The following ENTREP2 variants were observed in gnomAD, a reference collection of about 807,000 sequenced individuals.
ENTREP2 encodes endosomal transmembrane epsin interactor 2, also known as protein ENTREP2.
At chr15:29,335,087 G>A in the ENTREP2 span, among the ~76,000 whole-genome samples, 1 of 152,140 alleles carries the variant, frequency 6.6e-6, no homozygotes, top group Non-Finnish European at 1.5e-5. Flanking sequence ...ATCAGTGAGG[G>A]TTCTAGTCAC....
At chr15:29,386,289 TG>T in the ENTREP2 span, among the ~76,000 whole-genome samples, 2 of 152,138 alleles carry the variant, frequency 1.3e-5, no homozygotes, top group African/African-American at 4.8e-5. Flanking sequence ...ACTGAGGCTT[TG>T]GGACCTGCAA....
chr15:29,383,464 C>T, the ENTREP2 span, among the ~76,000 whole-genome samples: 15,466 of 152,140 alleles, frequency 0.1, 1,355 homozygotes, highest in African/African-American at 0.23. Context: ...GTGAGAAGGC[C>T]GAATTAAAAG....
chr15:29,232,604 T>C, the ENTREP2 span, among the ~76,000 whole-genome samples: 1 of 151,518 alleles, frequency 6.6e-6, no homozygotes, highest in African/African-American at 2.4e-5. Context: ...GCAATCCTCC[T>C]GCCTCAGCCT....
the ENTREP2 span, among the ~76,000 whole-genome samples, chr15:29,132,566 C>A: frequency 6.6e-6 from 1 of 152,234 alleles, no homozygotes; most frequent in Admixed American, 6.5e-5. Flanking sequence ...TTCAGCTGTT[C>A]TCACCGCAGT....
the ENTREP2 span, among the ~76,000 whole-genome samples, chr15:29,562,447 T>C: frequency 2.0e-5 from 3 of 152,114 alleles, no homozygotes; most frequent in Non-Finnish European, 4.4e-5. Context: ...AAAAGACTAA[T>C]GATAATTGAG....
the ENTREP2 span, chr15:29,233,556 C>T: frequency 1.7e-6 from 1 of 585,122 alleles, no homozygotes; most frequent in African/African-American, 1.9e-5. Flanking sequence ...TATACAATAC[C>T]ACCTACTGTA....
the ENTREP2 span, chr15:29,269,874 G>T: frequency 1.6e-6 from 1 of 618,016 alleles, no homozygotes; most frequent in Non-Finnish European, 2.5e-6. Flanking sequence ...TGGGCGGTGC[G>T]CCTGCGCGGC....
the ENTREP2 span, among the ~76,000 whole-genome samples, chr15:29,484,812 A>G: frequency 1.3e-5 from 2 of 152,222 alleles, no homozygotes; most frequent in African/African-American, 2.4e-5. Flanking sequence ...CAAAGTATCT[A>G]TTGACTATGA....
chr15:29,422,111 T>C, the ENTREP2 span, among the ~76,000 whole-genome samples: 3 of 151,806 alleles, frequency 2.0e-5, no homozygotes, highest in Non-Finnish European at 4.4e-5. Flanking sequence ...GTACTAAAAA[T>C]ACAAAAAATT....
chr15:29,654,797 G>A, the ENTREP2 span, among the ~76,000 whole-genome samples: 1 of 152,204 alleles, frequency 6.6e-6, no homozygotes, highest in African/African-American at 2.4e-5. Flanking sequence ...TACACTAGCA[G>A]AGCAAGGTGA....
At chr15:29,413,512 T>C in the ENTREP2 span, among the ~76,000 whole-genome samples, 1 of 152,230 alleles carries the variant, frequency 6.6e-6, no homozygotes, top group African/African-American at 2.4e-5. Flanking sequence ...AAGTCGATTT[T>C]GTCTGATATT....
At chr15:29,214,452 A>G in the ENTREP2 span, among the ~76,000 whole-genome samples, 1 of 152,028 alleles carries the variant, frequency 6.6e-6, no homozygotes, top group Admixed American at 6.6e-5. Context: ...AAAAACAAAC[A>G]CCGCATGTTC....
the ENTREP2 span, among the ~76,000 whole-genome samples, chr15:29,148,559 G>A: frequency 4.6e-5 from 7 of 152,202 alleles, no homozygotes; most frequent in African/African-American, 1.7e-4. Flanking sequence ...TATGGAAATA[G>A]TTGTTATACT....
chr15:29,140,576 C>T, the ENTREP2 span, among the ~76,000 whole-genome samples: 1 of 152,284 alleles, frequency 6.6e-6, no homozygotes, highest in East Asian at 1.9e-4. Flanking sequence ...CAAACCAGCT[C>T]TAATCCCTAC....
the ENTREP2 span, among the ~76,000 whole-genome samples, chr15:29,174,924 G>A: frequency 6.6e-6 from 1 of 152,158 alleles, no homozygotes; most frequent in Non-Finnish European, 1.5e-5. Context: ...CATAGGTAAT[G>A]CATGAATTTG....
At chr15:29,302,484 T>C in the ENTREP2 span, among the ~76,000 whole-genome samples, 1 of 152,208 alleles carries the variant, frequency 6.6e-6, no homozygotes, top group Non-Finnish European at 1.5e-5. Context: ...AAATCAGTTC[T>C]ACTGAAAGTT....
chr15:29,151,886 G>T, the ENTREP2 span: 1 of 1,437,548 alleles, frequency 7.0e-7, no homozygotes, highest in Non-Finnish European at 9.5e-7. Flanking sequence ...TCCCGAAATA[G>T]ATAGCAGAAT....
the ENTREP2 span, among the ~76,000 whole-genome samples, chr15:29,642,450 ATACACACACACATATATATACTG>A: frequency 6.7e-6 from 1 of 148,888 alleles, no homozygotes; most frequent in Non-Finnish European, 1.5e-5. Context: ...ACATATATAT[ATACACACACACATATATATACTG>A]TATATACACA....
the ENTREP2 span, among the ~76,000 whole-genome samples, chr15:29,259,528 C>T: frequency 6.6e-6 from 1 of 152,140 alleles, no homozygotes; most frequent in Non-Finnish European, 1.5e-5. Context: ...AGGGTAGGAG[C>T]CTAACTTTGA....
Sources: gnomAD v4.1 joint callset for allele counts (sites outside exome capture counted in the v4.1 genomes callset) on GRCh38, gnomAD v4.1.1 for gene constraint, MANE v1.5 for transcripts, NCBI Gene and HGNC (gene_info 2026-07-23, HGNC 2026-07-21) for gene names.